Variants in SLC28A1 observed in about 807,000 individuals in gnomAD.
The protein encoded by SLC28A1 is sodium/nucleoside cotransporter 1.
In SLC28A1, 64 loss-of-function variants were observed where a neutral mutation model predicts 74.8. The ratio of observed to expected loss-of-function variants is 0.86; its 90% CI spans 0.70 to 1.05. SLC28A1 has a LOEUF of 1.05. Among genes scored for constraint, SLC28A1 ranks in the 50% least tolerant of loss-of-function variants. The pLI, the probability that SLC28A1 is intolerant of heterozygous loss-of-function variation, is 0.00. For synonymous variants in SLC28A1, 359 were observed against 335.0 expected (o/e 1.07, Z -0.78); for missense variants, 828 against 822.8 (o/e 1.01, Z -0.08).
chr15:84,911,727 C>T (rs569061077), intron 9 of SLC28A1, among the ~76,000 whole-genome samples: 52 of 151,880 alleles, frequency 3.4e-4, no homozygotes, highest in African/African-American at 1.2e-3. Flanking sequence ...GGCATGGTGG[C>T]GGGCGCTTGT....
At chr15:84,952,035 A>C in the SLC28A1 span, among the ~76,000 whole-genome samples, 1 of 152,172 alleles carries the variant, frequency 6.6e-6, no homozygotes, top group Non-Finnish European at 1.5e-5. Context: ...CTTTCAACAC[A>C]CAGTGACCTG....
chr15:84,945,190 G>A lies in SLC28A1; in HGVS notation c.1940G>A (p.Cys647Tyr). 3 of 1,614,020 alleles carry A rather than the reference G, an allele frequency of 1.9e-6. No individual in the cohort carries two copies. Among genetic ancestry groups the A allele is most frequent in the Non-Finnish European group, 2.5e-6 (3 of 1,179,942 alleles). ...NCCRFYNHTI[C>Y]AQ ...TGTCGGTTTTACAACCACACGATCT[G>A]TGCACAGTGAGGACAGAACATGCTT... Residue 647 changes from cysteine to tyrosine, a missense_variant, in exon 19 of 19, where the codon TGT becomes TAT. Coordinates refer to ENST00000394573, the MANE Select transcript of SLC28A1 (RefSeq NM_004213.5).
At chr15:84,967,122 G>A in the SLC28A1 span, among the ~76,000 whole-genome samples, 5 of 152,022 alleles carry the variant, frequency 3.3e-5, no homozygotes, top group East Asian at 1.9e-4. Context: ...GATTATCTAC[G>A]ACCTGCAGCT....
chr15:84,910,792 A>G (rs1255106791), intron 9 of SLC28A1, among the ~76,000 whole-genome samples: 1 of 152,212 alleles, frequency 6.6e-6, no homozygotes, highest in Non-Finnish European at 1.5e-5. Flanking sequence ...CAACCTCCCC[A>G]GGCAGCTGCG....
Position 84,910,601 on chromosome 15 carries a change from G to GAC in SLC28A1, c.795+1806_795+1807insAC, listed in dbSNP as rs1412303609. Among the ~76,000 whole-genome samples, 15 of 152,276 alleles carry GAC rather than the reference G, an allele frequency of 9.9e-5. No individual in the cohort carries two copies. In the South Asian group the frequency reaches 1.0e-3, roughly 11 times the overall value. On this transcript the variant is annotated intron_variant, in intron 9 of 18. Coordinates refer to ENST00000394573, the MANE Select transcript of SLC28A1 (RefSeq NM_004213.5). Reference sequence around the variant, plus strand: ...AAATTAGCCAAGTGTGGTGGTGCATGCCTGTAATCCCAGCTACTTGGGAGG... The same window carrying GAC: ...AAATTAGCCAAGTGTGGTGGTGCATGACCCTGTAATCCCAGCTACTTGGGAGG...
chr15:84,945,584 C>T lies in SLC28A1; in HGVS notation c.*384C>T. 1 of 315,382 alleles carries T rather than the reference C, an allele frequency of 3.2e-6. No homozygotes were observed. Among genetic ancestry groups the T allele is most frequent in the Non-Finnish European group, 6.2e-6 (1 of 161,574 alleles). 19.5% of individuals were successfully genotyped at this position (315,382 alleles called of 1,614,324 possible). ...GCTGCACACCAAAGCCTCCTCCCCT[C>T]CCCACTTCCTAGGCACTAGGATCTC... On this transcript the variant is annotated 3_prime_UTR_variant, in exon 19 of 19. Transcript: ENST00000394573.
At chr15:84,949,289 C>T (rs1474818887), downstream of SLC28A1, among the ~76,000 whole-genome samples, 1 of 152,218 alleles carries the variant, frequency 6.6e-6, no homozygotes, top group African/African-American at 2.4e-5. Context: ...AATATGATCT[C>T]ATGGGTGGAA....
the SLC28A1 span, among the ~76,000 whole-genome samples, chr15:84,968,517 A>C: frequency 6.6e-6 from 1 of 152,354 alleles, no homozygotes; most frequent in East Asian, 1.9e-4. Context: ...GGGTGACCCA[A>C]GGGAGAGAAC....
intron 6 of SLC28A1, chr15:84,895,684 A>T: frequency 7.4e-7 from 1 of 1,352,138 alleles, no homozygotes. Context: ...CGCCCAGCCC[A>T]CCATTTCACC....
rs147143913 is a variant in SLC28A1, at chr15:84,920,408, C to T, written c.877-581C>T. Among the ~76,000 whole-genome samples the T allele has an allele frequency of 4.1e-3, 611 of 148,450 alleles. 3 individuals are homozygous for T. The highest frequency in any genetic ancestry group is 0.014 in the African/African-American group (578 of 41,042). On this transcript the variant is annotated intron_variant, in intron 10 of 18. Transcript: ENST00000394573. ...TTGCAGTGAGCCAAGATTGTGCCAC[C>T]GCACTCCAGCCTGGGTGACAGAACG...
intron 12 of SLC28A1, among the ~76,000 whole-genome samples, chr15:84,929,804 G>T (rs1173364242): frequency 6.6e-6 from 1 of 152,244 alleles, no homozygotes; most frequent in Non-Finnish European, 1.5e-5. Context: ...CAAGGCTATA[G>T]TGAGCCATGA....
At chr15:84,914,597 C>T (rs1310263116) in intron 9 of SLC28A1, among the ~76,000 whole-genome samples, 1 of 152,186 alleles carries the variant, frequency 6.6e-6, no homozygotes, top group African/African-American at 2.4e-5. Context: ...CAGTTACATC[C>T]ACCACAGATG....
chr15:84,909,764 A>G (rs2141830548), intron 9 of SLC28A1, among the ~76,000 whole-genome samples: 1 of 152,336 alleles, frequency 6.6e-6, no homozygotes, highest in African/African-American at 2.4e-5. Flanking sequence ...TCTGCCACTG[A>G]TGCGTGGCAC....
At chr15:84,936,739 C>T (rs1043879443) in intron 15 of SLC28A1, among the ~76,000 whole-genome samples, 1 of 152,148 alleles carries the variant, frequency 6.6e-6, no homozygotes, top group African/African-American at 2.4e-5. Context: ...TTGTTTCTTA[C>T]ATTTTCTTCC....
chr15:84,968,206 G>T, the SLC28A1 span, among the ~76,000 whole-genome samples: 1 of 152,158 alleles, frequency 6.6e-6, no homozygotes, highest in Non-Finnish European at 1.5e-5. Context: ...CCACTTCCTG[G>T]TTGAGCCTCA....
At chr15:84,948,380 A>G (rs536798398), downstream of SLC28A1, among the ~76,000 whole-genome samples, 18 of 152,218 alleles carry the variant, frequency 1.2e-4, no homozygotes, top group South Asian at 2.1e-4. Flanking sequence ...TACCCACTGT[A>G]TGGATGGCCT....
At chr15:84,959,368 G>T in the SLC28A1 span, among the ~76,000 whole-genome samples, 1 of 151,972 alleles carries the variant, frequency 6.6e-6, no homozygotes, top group Non-Finnish European at 1.5e-5. Flanking sequence ...GTCTTCCAAA[G>T]TGCTGGGATT....
chr15:84,903,154 T>C (rs1216831987), intron 6 of SLC28A1, among the ~76,000 whole-genome samples: 3 of 152,246 alleles, frequency 2.0e-5, no homozygotes, highest in Non-Finnish European at 1.5e-5. Context: ...TTTAAAAATA[T>C]GAGCAGAAAG....
chr15:84,922,135 G>A (rs990967997), intron 11 of SLC28A1, among the ~76,000 whole-genome samples: 2 of 152,064 alleles, frequency 1.3e-5, no homozygotes, highest in African/African-American at 4.8e-5. Context: ...TGGGCCCTCT[G>A]CTCTTGTCCA....
Sources: gnomAD v4.1 joint callset for allele counts (sites outside exome capture counted in the v4.1 genomes callset) on GRCh38, gnomAD v4.1.1 for gene constraint, MANE v1.5 for transcripts, NCBI Gene and HGNC (gene_info 2026-07-23, HGNC 2026-07-21) for gene names.